The following MDN1 variants were observed in gnomAD, a reference collection of about 807,000 sequenced individuals.
MDN1 encodes midasin AAA ATPase 1.
A neutral mutation model predicts 669.2 loss-of-function variants in MDN1; 266 were observed. The ratio of observed to expected loss-of-function variants is 0.40; its 90% CI spans 0.36 to 0.44. The LOEUF (loss-of-function observed/expected upper bound fraction) is 0.44, where lower values mean the gene tolerates loss of function less well. Among genes scored for constraint, MDN1 ranks in the 20% least tolerant of loss-of-function variants. MDN1 has a pLI of 1.00. For synonymous variants in MDN1, 2,385 were observed against 2,457.1 expected (o/e 0.97, Z 0.87); for missense variants, 5,940 against 6,754.0 (o/e 0.88, Z 4.22).
At chr6:89,790,040 G>T in intron 6 of MDN1, 119 bp downstream of exon 6, 1 of 1,581,654 alleles carries the variant, frequency 6.3e-7, no homozygotes, top group South Asian at 1.1e-5. Flanking sequence ...ACATAGGTTG[G>T]CCCCAACAGT....
intron 18 of MDN1, among the ~76,000 whole-genome samples, chr6:89,758,605 T>A (rs989043933): frequency 6.6e-6 from 1 of 152,344 alleles, no homozygotes; most frequent in East Asian, 1.9e-4. Flanking sequence ...TATCCACAAC[T>A]CAAACACCTT....
chr6:89,721,355 T>C (rs577873305), intron 40 of MDN1, among the ~76,000 whole-genome samples: 24 of 152,220 alleles, frequency 1.6e-4, no homozygotes, highest in African/African-American at 5.5e-4. Flanking sequence ...GAAGTTGAAA[T>C]GGTGGAGTCC....
At chr6:89,661,618 C>A in intron 87 of MDN1, 40 bp from the exon 88 acceptor site, 1 of 1,547,262 alleles carries the variant, frequency 6.5e-7, no homozygotes, top group Non-Finnish European at 8.7e-7. Context: ...AATAAAAATA[C>A]AAATATTTTT....
chr6:89,697,878 G>T (rs1458496886), intron 59 of MDN1, among the ~76,000 whole-genome samples: 2 of 151,934 alleles, frequency 1.3e-5, no homozygotes, highest in African/African-American at 4.8e-5. Context: ...TACAGCGCCT[G>T]ACCAACACAA....
rs75261535 is a variant in MDN1 at position 89,795,441 on chromosome 6, G to GA, written c.330-641dup. ...AACATAGTGAGACCTTGTTCCTACA[G>GA]AAAAAAAAAAAATTAGTGGGGTATG... On this transcript the variant is annotated intron_variant, in intron 2 of 101. Transcript: ENST00000369393. Among the ~76,000 whole-genome samples the GA allele has an allele frequency of 1.9e-3, 278 of 143,288 alleles. 1 individual carries two copies. Among genetic ancestry groups the GA allele is most frequent in the Admixed American group, 2.9e-3 (41 of 14,348 alleles). The allele number at this position is 143,288 out of a possible 152,430, so 94.0% of individuals were successfully genotyped here.
At chr6:89,693,602 A>C (rs1180265888) in intron 62 of MDN1, among the ~76,000 whole-genome samples, 1 of 152,232 alleles carries the variant, frequency 6.6e-6, no homozygotes, top group African/African-American at 2.4e-5. Flanking sequence ...ATGACACTTA[A>C]AGAAAATGCT....
chr6:89,740,455 GAAAAA>G, intron 31 of MDN1, 77 bp from the exon 32 acceptor site: 1 of 1,255,928 alleles, frequency 8.0e-7, no homozygotes, highest in South Asian at 1.6e-5. Context: ...CTCTTTAAAA[GAAAAA>G]AAAAAGTTAT....
At chr6:89,782,622 T>C (rs1029516836) in intron 9 of MDN1, among the ~76,000 whole-genome samples, 1 of 148,736 alleles carries the variant, frequency 6.7e-6, no homozygotes, top group South Asian at 2.1e-4. Flanking sequence ...ATAATAATAA[T>C]AATAATAATA....
intron 61 of MDN1, among the ~76,000 whole-genome samples, chr6:89,694,913 A>T (rs1812630367): frequency 6.6e-6 from 1 of 152,156 alleles, no homozygotes; most frequent in African/African-American, 2.4e-5. Flanking sequence ...CCTAGGATAT[A>T]GGGATACTAT....
intron 35 of MDN1, among the ~76,000 whole-genome samples, chr6:89,729,470 T>C (rs1253874461): frequency 1.3e-5 from 2 of 152,186 alleles, no homozygotes; most frequent in African/African-American, 2.4e-5. Context: ...TTTACCTTCA[T>C]AGTTACTTTC....
At chr6:89,675,939 A>G (rs1271387777) in intron 77 of MDN1, among the ~76,000 whole-genome samples, 163 bp downstream of exon 77, 1 of 152,268 alleles carries the variant, frequency 6.6e-6, no homozygotes, top group African/African-American at 2.4e-5. Flanking sequence ...GATTTTGCAC[A>G]AAATTACATT....
Position 89,751,489 on chromosome 6 carries a change from T to C in MDN1, c.3169A>G (p.Ile1057Val), listed in dbSNP as rs1816949538. Residue 1057 changes from isoleucine (I) to valine (V), a missense_variant, in exon 23 of 102, where the codon ATT becomes GTT. Ile to Val is a conservative substitution (Grantham distance 29, BLOSUM62 3). Around this residue, in one of 5 missense-constraint regions of MDN1, gnomAD observed 1,203 missense variants for 1,268.9 expected, o/e 0.95. Coordinates refer to ENST00000369393, the MANE Select transcript of MDN1 (RefSeq NM_014611.3). ...DKEPTIDETYILTSSVKLNLR... is the reference protein window; with the variant it reads ...DKEPTIDETYVLTSSVKLNLR... ...TTCAGCTTCACAGAAGATGTCAGAA[T>C]GTACGTCTCATCTATTGTAGGCTCC... 6.2e-7 allele frequency: 1 copy of C among 1,614,206 alleles called. No individual in the cohort carries two copies. The highest frequency in any genetic ancestry group is 8.5e-7 in the Non-Finnish European group (1 of 1,180,030).
intron 95 of MDN1, among the ~76,000 whole-genome samples, chr6:89,651,324 CAAAAAA>C (rs57142164): frequency 3.2e-5 from 3 of 94,628 alleles, no homozygotes; most frequent in Admixed American, 1.2e-4. Context: ...GATTCCGTCT[CAAAAAA>C]AAAAAAAAAA....
chr6:89,784,339 T>G (rs1300050246), intron 9 of MDN1, among the ~76,000 whole-genome samples: 1 of 151,740 alleles, frequency 6.6e-6, no homozygotes, highest in Non-Finnish European at 1.5e-5. Context: ...AAAATAAAAA[T>G]AAAAGATTGA....
chr6:89,744,121 A>AAAC (rs1816454688), intron 29 of MDN1, among the ~76,000 whole-genome samples: 1 of 145,922 alleles, frequency 6.9e-6, no homozygotes, highest in Non-Finnish European at 1.5e-5. Flanking sequence ...AAAAAAAAAA[A>AAAC]AAAAAAAAAA....
rs934673672 is a variant in MDN1, at chr6:89,651,397, G to A, written c.15916-550C>T. 2.7e-5 allele frequency among the ~76,000 whole-genome samples: 4 copies of A among 150,822 alleles called. 1 individual carries two copies. The South Asian group carries it at 6.3e-4, about 24-fold the overall frequency. On this transcript the variant is annotated intron_variant, in intron 95 of 101. Transcript: ENST00000369393. Reference sequence around the variant, plus strand: ...AGCACTTTGGGAGGCCAAGGCGGGTGGATCACCTGAAGTTTGAGACCAGCC... The same window carrying A: ...AGCACTTTGGGAGGCCAAGGCGGGTAGATCACCTGAAGTTTGAGACCAGCC...
chr6:89,801,789 G>C (rs1220062993), intron 2 of MDN1, among the ~76,000 whole-genome samples: 1 of 148,814 alleles, frequency 6.7e-6, no homozygotes, highest in African/African-American at 2.5e-5. Flanking sequence ...GTCAGACCCT[G>C]TCTCAGAAAA....
intron 36 of MDN1, among the ~76,000 whole-genome samples, 191 bp from the exon 37 acceptor site, chr6:89,728,146 A>G (rs2128314564): frequency 6.6e-6 from 1 of 152,248 alleles, no homozygotes; most frequent in South Asian, 2.1e-4. Context: ...AACTTTCCCA[A>G]CATGTTCCAT....
At chr6:89,792,551 T>C (rs1446724647) in intron 5 of MDN1, among the ~76,000 whole-genome samples, 2 of 152,000 alleles carry the variant, frequency 1.3e-5, no homozygotes, top group Non-Finnish European at 2.9e-5. Flanking sequence ...TCTTCACAAC[T>C]AGAAAAAAAC....
Sources: allele counts gnomAD v4.1 joint callset (sites outside exome capture counted in the v4.1 genomes callset), GRCh38; gene constraint gnomAD v4.1.1; regional missense constraint gnomAD v4.1.1; transcripts MANE v1.5; gene names NCBI Gene and HGNC (gene_info 2026-07-23, HGNC 2026-07-21).